CCBE1: variants seen among roughly 807,000 people sequenced by gnomAD.
The protein encoded by CCBE1 is collagen and calcium-binding EGF domain-containing protein 1.
Under a neutral mutation model 50.0 loss-of-function variants are expected in CCBE1, and 37 were observed. The ratio of observed to expected loss-of-function variants is 0.74; its 90% CI spans 0.57 to 0.97. The LOEUF (loss-of-function observed/expected upper bound fraction) is 0.97. CCBE1 is among the 50% of genes least tolerant of loss of function. The pLI is 0.00. For synonymous variants in CCBE1, 234 were observed against 203.7 expected (o/e 1.15, Z -1.27); for missense variants, 538 against 523.8 (o/e 1.03, Z -0.26).
At chr18:59,627,242 G>C (rs1278690304) in intron 2 of CCBE1, among the ~76,000 whole-genome samples, 2 of 152,070 alleles carry the variant, frequency 1.3e-5, no homozygotes, top group African/African-American at 4.8e-5. Flanking sequence ...TAATTATACA[G>C]AATATAATCT....
chr18:59,616,750 A>T (rs1444869094), intron 2 of CCBE1, among the ~76,000 whole-genome samples: 1 of 152,238 alleles, frequency 6.6e-6, no homozygotes, highest in East Asian at 1.9e-4. Context: ...ACGGATTCTT[A>T]AGGTAATAAC....
intron 2 of CCBE1, among the ~76,000 whole-genome samples, chr18:59,573,471 A>G (rs1406555154): frequency 6.6e-6 from 1 of 151,328 alleles, no homozygotes; most frequent in East Asian, 1.9e-4. Context: ...TCCAGCTTAC[A>G]CTGTTTTAAC....
At chr18:59,576,174 G>T (rs1334994792) in intron 2 of CCBE1, among the ~76,000 whole-genome samples, 1 of 152,220 alleles carries the variant, frequency 6.6e-6, no homozygotes, top group African/African-American at 2.4e-5. Context: ...ACGCATGAAA[G>T]GCATTTGGCT....
At chr18:59,443,469 CTTT>C (rs11337100) in intron 7 of CCBE1, among the ~76,000 whole-genome samples, 2 of 144,820 alleles carry the variant, frequency 1.4e-5, no homozygotes, top group Non-Finnish European at 1.5e-5. Flanking sequence ...AATTTGCCAA[CTTT>C]TTTTTTTTTT....
At chr18:59,692,659 A>G (rs564927132) in intron 2 of CCBE1, among the ~76,000 whole-genome samples, 1 of 152,248 alleles carries the variant, frequency 6.6e-6, no homozygotes, top group African/African-American at 2.4e-5. Flanking sequence ...CATCACATTA[A>G]TTTTCACATT....
At chr18:59,511,329 G>A (rs375318681) in intron 2 of CCBE1, among the ~76,000 whole-genome samples, 4 of 152,180 alleles carry the variant, frequency 2.6e-5, no homozygotes, top group South Asian at 2.1e-4. Context: ...GAATGATAAC[G>A]ATTATGTTCT....
At chr18:59,664,364 A>T (rs2054324018) in intron 2 of CCBE1, among the ~76,000 whole-genome samples, 1 of 152,144 alleles carries the variant, frequency 6.6e-6, no homozygotes, top group South Asian at 2.1e-4. Context: ...CTGACATCAG[A>T]GAGAAAGGAC....
At chr18:59,484,882 AT>A (rs1432972110) in intron 2 of CCBE1, among the ~76,000 whole-genome samples, 42 of 152,360 alleles carry the variant, frequency 2.8e-4, no homozygotes, top group African/African-American at 9.1e-4. Context: ...TATTAAAAAA[AT>A]AAACACTGGT....
At chr18:59,677,000 C>T (rs566475035) in intron 2 of CCBE1, among the ~76,000 whole-genome samples, 24 of 151,790 alleles carry the variant, frequency 1.6e-4, no homozygotes, top group Non-Finnish European at 2.9e-4. Flanking sequence ...AGACAGGGGC[C>T]GGGCCTCACA....
chr18:59,496,681 G>A (rs913092819), intron 2 of CCBE1, among the ~76,000 whole-genome samples: 3 of 152,124 alleles, frequency 2.0e-5, no homozygotes, highest in South Asian at 2.1e-4. Flanking sequence ...TGAAGAACTC[G>A]GAGACTCAGG....
chr18:59,545,829 A>G (rs1915659702), intron 2 of CCBE1, among the ~76,000 whole-genome samples: 1 of 152,156 alleles, frequency 6.6e-6, no homozygotes, highest in African/African-American at 2.4e-5. Context: ...TGCTGCTGCC[A>G]TGTAAGAAGT....
intron 2 of CCBE1, among the ~76,000 whole-genome samples, chr18:59,690,390 T>C (rs1016705755): frequency 1.3e-5 from 2 of 152,210 alleles, no homozygotes; most frequent in African/African-American, 2.4e-5. Flanking sequence ...CAGAATGTGA[T>C]CTTTGTTCTC....
intron 2 of CCBE1, among the ~76,000 whole-genome samples, chr18:59,487,641 C>A (rs574148783): frequency 1.3e-5 from 2 of 152,120 alleles, no homozygotes; most frequent in Admixed American, 6.5e-5. Context: ...CCACCAAAAC[C>A]TGCCTATTTG....
At chr18:59,549,188 A>G (rs1040026573) in intron 2 of CCBE1, among the ~76,000 whole-genome samples, 2 of 152,064 alleles carry the variant, frequency 1.3e-5, no homozygotes, top group Non-Finnish European at 2.9e-5. Context: ...TTCACATGTG[A>G]TCAAGTATAA....
At chr18:59,696,731 A>T in intron 1 of CCBE1, 22 bp from the exon 2 acceptor site, 1 of 1,611,652 alleles carries the variant, frequency 6.2e-7, no homozygotes, top group Admixed American at 1.7e-5. Context: ...TGCAGAGGAA[A>T]TGTTCGATTC....
At chr18:59,453,560 T>A (rs1911039460) in intron 6 of CCBE1, among the ~76,000 whole-genome samples, 1 of 152,200 alleles carries the variant, frequency 6.6e-6, no homozygotes, top group Non-Finnish European at 1.5e-5. Flanking sequence ...GCAAACCATT[T>A]CTCTTCTCAG....
chr18:59,668,188 G>A (rs1336846207), intron 2 of CCBE1, among the ~76,000 whole-genome samples: 3 of 152,122 alleles, frequency 2.0e-5, no homozygotes, highest in Non-Finnish European at 2.9e-5. Context: ...GGGAGGCTGA[G>A]GCGGGTGGAT....
chr18:59,673,920 C>T (rs1221772469), intron 2 of CCBE1, among the ~76,000 whole-genome samples: 4 of 152,122 alleles, frequency 2.6e-5, no homozygotes, highest in African/African-American at 9.7e-5. Context: ...TGTTGTGTCT[C>T]TGCCAGGTTT....
chr18:59,645,979 C>G (rs925082411), intron 2 of CCBE1, among the ~76,000 whole-genome samples: 1 of 151,430 alleles, frequency 6.6e-6, no homozygotes, highest in Non-Finnish European at 1.5e-5. Flanking sequence ...TGCAGTGAGC[C>G]GAGATTGCGC....
Sources: allele counts gnomAD v4.1 joint callset (sites outside exome capture counted in the v4.1 genomes callset), GRCh38; gene constraint gnomAD v4.1.1; transcripts MANE v1.5; gene names NCBI Gene and HGNC (gene_info 2026-07-23, HGNC 2026-07-21).